The following STK4 variants were observed in gnomAD, a reference collection of about 807,000 sequenced individuals.
STK4 encodes serine/threonine-protein kinase 4.
Under a neutral mutation model 64.9 loss-of-function variants are expected in STK4, and 30 were observed. The observed-to-expected ratio is 0.46, with a 90% CI of 0.35 to 0.63. STK4 has a LOEUF of 0.63. Ranked by LOEUF, STK4 falls within the 20% of genes least tolerant of loss-of-function variation. The probability of loss-of-function intolerance (pLI) is 0.01; values close to 1 mark genes in which losing one functional copy is unlikely to be tolerated. For synonymous variants in STK4, 177 were observed against 199.0 expected, an observed-to-expected ratio of 0.89 and a Z score of 0.93; for missense variants, 466 against 598.5, an observed-to-expected ratio of 0.78 and a Z score of 2.31.
intron 10 of STK4, among the ~76,000 whole-genome samples, chr20:45,066,650 A>G (rs925851611): frequency 1.3e-5 from 2 of 152,212 alleles, no homozygotes; most frequent in African/African-American, 4.8e-5. Context: ...TTTGTTTGGA[A>G]TTTTGATAAT....
At chr20:44,967,484 T>A (rs1041722325) in intron 1 of STK4, among the ~76,000 whole-genome samples, 2 of 152,218 alleles carry the variant, frequency 1.3e-5, no homozygotes, top group Non-Finnish European at 2.9e-5. Flanking sequence ...CTAGAAAATC[T>A]CAACTCCTGG....
At chr20:45,033,559 A>G (rs181653809) in intron 10 of STK4, among the ~76,000 whole-genome samples, 65 of 151,836 alleles carry the variant, frequency 4.3e-4, no homozygotes, top group Non-Finnish European at 8.7e-4. Flanking sequence ...GTGTTCGTCA[A>G]CTTTGAGTTA....
chr20:44,988,763 A>G (rs1275686094), intron 5 of STK4, among the ~76,000 whole-genome samples: 1 of 151,672 alleles, frequency 6.6e-6, no homozygotes, highest in Non-Finnish European at 1.5e-5. Context: ...TCATCCTCAA[A>G]ATAAACTGTA....
chr20:44,992,015 T>A (rs891183552), intron 5 of STK4, among the ~76,000 whole-genome samples: 9 of 152,092 alleles, frequency 5.9e-5, no homozygotes, highest in African/African-American at 2.2e-4. Context: ...ACTAAAAAAA[T>A]TTATGTTAAA....
intron 10 of STK4, among the ~76,000 whole-genome samples, chr20:45,073,730 C>T (rs957438340): frequency 4.6e-5 from 7 of 152,186 alleles, no homozygotes; most frequent in African/African-American, 1.2e-4. Context: ...AATCACTGAA[C>T]ACACATGGCA....
chr20:44,966,549 G>T lies in STK4; in HGVS notation c.-20G>T. ...GGAGGATGGAGCAGTGAGCGGGTCT[G>T]GGCGGCTGCTGGCAGCGCCATGGAG... On this transcript the variant is annotated 5_prime_UTR_variant, in exon 1 of 11. Transcript: ENST00000372806. 1 of 1,267,106 alleles carries T rather than the reference G, an allele frequency of 7.9e-7. No individual in the cohort carries two copies. 78.5% of individuals were successfully genotyped at this position (1,267,106 alleles called of 1,614,324 possible).
At chr20:45,063,785 G>C (rs887504162) in intron 10 of STK4, among the ~76,000 whole-genome samples, 3 of 150,368 alleles carry the variant, frequency 2.0e-5, no homozygotes, top group African/African-American at 7.5e-5. Flanking sequence ...TATAAGGAAG[G>C]GGGGGGTCCA....
intron 5 of STK4, among the ~76,000 whole-genome samples, chr20:44,991,390 G>C (rs6031918): frequency 1.3e-5 from 2 of 152,148 alleles, no homozygotes; most frequent in Non-Finnish European, 2.9e-5. Flanking sequence ...TTGGAATCTA[G>C]GTCAGAAAAT....
At chr20:44,985,891 C>A (rs936371062) in intron 4 of STK4, among the ~76,000 whole-genome samples, 9 of 152,198 alleles carry the variant, frequency 5.9e-5, no homozygotes, top group Non-Finnish European at 1.2e-4. Context: ...TGCACCAGAG[C>A]ACACTCCATT....
chr20:45,036,727 A>G (rs75655561), intron 10 of STK4, among the ~76,000 whole-genome samples: 2,941 of 152,270 alleles, frequency 0.019, 92 homozygotes, highest in African/African-American at 0.066. Context: ...GTTCTATTTT[A>G]TTATTAGTTA....
chr20:45,062,300 G>A (rs1385874343), intron 10 of STK4, among the ~76,000 whole-genome samples: 1 of 152,178 alleles, frequency 6.6e-6, no homozygotes, highest in East Asian at 1.9e-4. Context: ...ATTCCATGGT[G>A]TATATGGACC....
intron 10 of STK4, among the ~76,000 whole-genome samples, chr20:45,062,080 A>G (rs1979078960): frequency 6.6e-6 from 1 of 152,030 alleles, no homozygotes; most frequent in African/African-American, 2.4e-5. Context: ...GGGTTTCATC[A>G]TGTTGGCCAC....
chr20:45,053,599 A>G lies in STK4; in HGVS notation c.1306-21419A>G, dbSNP rs76117398. On this transcript the variant is annotated intron_variant, in intron 10 of 10. Coordinates refer to ENST00000372806, the MANE Select transcript of STK4 (RefSeq NM_006282.5). ...CTTAGGCCCTAGGAAGGACTGTTCC[A>G]TAGTTAACTTCTGTGTGGCTTCACT... 5.1e-3 allele frequency among the ~76,000 whole-genome samples: 770 copies of G among 152,346 alleles called. 8 individuals are homozygous for G. Among genetic ancestry groups the G allele is most frequent in the African/African-American group, 0.018 (736 of 41,588 alleles).
At chr20:45,032,731 C>T (rs1342447481) in intron 10 of STK4, among the ~76,000 whole-genome samples, 2 of 152,158 alleles carry the variant, frequency 1.3e-5, no homozygotes, top group Non-Finnish European at 2.9e-5. Context: ...GCAGCGAACA[C>T]AACACATGCA....
At chr20:45,015,685 G>T (rs1164975954) in intron 9 of STK4, among the ~76,000 whole-genome samples, 1 of 152,180 alleles carries the variant, frequency 6.6e-6, no homozygotes, top group African/African-American at 2.4e-5. Context: ...TCAGTCTTTG[G>T]CTTGAAACTT....
chr20:45,064,475 A>C (rs896542643), intron 10 of STK4, among the ~76,000 whole-genome samples: 1 of 151,988 alleles, frequency 6.6e-6, no homozygotes, highest in Non-Finnish European at 1.5e-5. Context: ...GAAGAATGTC[A>C]TTAGTAATTT....
chr20:45,027,213 T>C (rs138282058), intron 10 of STK4, among the ~76,000 whole-genome samples: 1 of 152,012 alleles, frequency 6.6e-6, no homozygotes, highest in Non-Finnish European at 1.5e-5. Flanking sequence ...TCAATCACCT[T>C]AGGTCAGGAG....
intron 10 of STK4, among the ~76,000 whole-genome samples, chr20:45,054,570 T>C (rs1458592712): frequency 6.7e-6 from 1 of 149,126 alleles, no homozygotes; most frequent in African/African-American, 2.5e-5. Flanking sequence ...TTTTTTTTTT[T>C]TTTTTTTCAA....
intron 10 of STK4, among the ~76,000 whole-genome samples, chr20:45,057,808 C>T (rs558534821): frequency 1.3e-5 from 2 of 152,230 alleles, no homozygotes; most frequent in Non-Finnish European, 2.9e-5. Context: ...ATGGTCTTTA[C>T]AAAATTTTTT....
Sources: allele counts gnomAD v4.1 joint callset (sites outside exome capture counted in the v4.1 genomes callset), GRCh38; gene constraint gnomAD v4.1.1; transcripts MANE v1.5; gene names NCBI Gene and HGNC (gene_info 2026-07-23, HGNC 2026-07-21).